NRXN3: variants seen among roughly 807,000 people sequenced by gnomAD.
NRXN3 encodes the protein neurexin 3.
In NRXN3, 32 loss-of-function variants were observed where a neutral mutation model predicts 137.6. The observed-to-expected ratio is 0.23, with a 90% CI of 0.18 to 0.31. The LOEUF is 0.31. Among genes scored for constraint, NRXN3 ranks in the 10% least tolerant of loss-of-function variants. The pLI is 1.00. For synonymous variants in NRXN3, 798 were observed against 784.5 expected (o/e 1.02, Z -0.29); for missense variants, 1,574 against 2,062.5 (o/e 0.76, Z 4.59).
At chr14:78,547,450 G>A (rs192723124) in intron 4 of NRXN3, among the ~76,000 whole-genome samples, 74 of 151,728 alleles carry the variant, frequency 4.9e-4, no homozygotes, top group African/African-American at 8.7e-4. Flanking sequence ...CACCCTCCTC[G>A]GCCTCCCAAT....
chr14:79,101,076 G>A (rs1263711402), intron 15 of NRXN3, among the ~76,000 whole-genome samples: 1 of 152,172 alleles, frequency 6.6e-6, no homozygotes, highest in Non-Finnish European at 1.5e-5. Context: ...TTGGCAGAAT[G>A]TAATGTATCT....
intron 10 of NRXN3, among the ~76,000 whole-genome samples, chr14:78,830,880 GAA>G (rs1240732490): frequency 6.6e-6 from 1 of 151,998 alleles, no homozygotes; most frequent in Non-Finnish European, 1.5e-5. Context: ...GACAACAATG[GAA>G]AAATGTTACT....
chr14:79,006,270 A>G (rs2099552584), intron 15 of NRXN3, among the ~76,000 whole-genome samples: 1 of 129,886 alleles, frequency 7.7e-6, no homozygotes, highest in Non-Finnish European at 1.5e-5. Flanking sequence ...TTGGGGAAGA[A>G]TGAGCAAAAT....
chr14:78,240,663 G>A (rs1006018285), intron 1 of NRXN3, among the ~76,000 whole-genome samples: 1 of 152,108 alleles, frequency 6.6e-6, no homozygotes, highest in African/African-American at 2.4e-5. Context: ...CTTCCTTATC[G>A]GAGTCTATGG....
intron 16 of NRXN3, among the ~76,000 whole-genome samples, chr14:79,620,737 G>GAT (rs1319083071): frequency 6.6e-6 from 1 of 152,100 alleles, no homozygotes; most frequent in Non-Finnish European, 1.5e-5. Context: ...GGCAAGCATA[G>GAT]ATACTTTGGA....
chr14:79,189,328 A>G (rs558803644), intron 15 of NRXN3, among the ~76,000 whole-genome samples: 34 of 145,848 alleles, frequency 2.3e-4, no homozygotes, highest in African/African-American at 8.2e-4. Flanking sequence ...ATAGGTGGTA[A>G]TTGAACAATG....
At chr14:79,241,517 A>T (rs574380276) in intron 15 of NRXN3, among the ~76,000 whole-genome samples, 1 of 152,244 alleles carries the variant, frequency 6.6e-6, no homozygotes, top group African/African-American at 2.4e-5. Context: ...AGATCTCATG[A>T]GATTTATTCA....
At chr14:79,491,677 AAGAG>A (rs376868296) in intron 16 of NRXN3, among the ~76,000 whole-genome samples, 56 of 149,282 alleles carry the variant, frequency 3.8e-4, no homozygotes, top group African/African-American at 1.3e-3. Flanking sequence ...GTGTGAGAGA[AAGAG>A]AGAGAGAGAG....
At chr14:79,689,066 CTAAT>C (rs2098706233) in intron 17 of NRXN3, among the ~76,000 whole-genome samples, 1 of 151,810 alleles carries the variant, frequency 6.6e-6, no homozygotes, top group Non-Finnish European at 1.5e-5. Flanking sequence ...ATTTTTTTCT[CTAAT>C]TAGTAATGCA....
chr14:79,754,266 A>G (rs60782121), intron 19 of NRXN3, among the ~76,000 whole-genome samples: 2,672 of 151,962 alleles, frequency 0.018, 74 homozygotes, highest in African/African-American at 0.061. Context: ...CACTTAAACC[A>G]GGGAGAGGCA....
intron 16 of NRXN3, among the ~76,000 whole-genome samples, chr14:79,621,255 C>T (rs374188550): frequency 2.0e-5 from 3 of 152,302 alleles, no homozygotes; most frequent in African/African-American, 7.2e-5. Context: ...TACTAATCAG[C>T]ACCCAACTAT....
chr14:78,587,649 C>G (rs1236023523), intron 4 of NRXN3, among the ~76,000 whole-genome samples: 1 of 152,202 alleles, frequency 6.6e-6, no homozygotes, highest in African/African-American at 2.4e-5. Flanking sequence ...ACATTCGCAA[C>G]TATTTTTAAT....
At position 79,603,834 on chromosome 14, in the gene NRXN3, T is replaced by C. The variant is rs115177349; in HGVS notation, c.3445-59944T>C. Among the ~76,000 whole-genome samples the C allele has an allele frequency of 4.0e-3, 615 of 152,294 alleles. 8 individuals are homozygous for C. Among genetic ancestry groups the C allele is most frequent in the African/African-American group, 0.014 (576 of 41,574 alleles). On this transcript the variant is annotated intron_variant, in intron 16 of 20. Transcript: ENST00000335750. ...CCATGAGATTCTTTTCATACAAGTA[T>C]GCTGCAGAGGAATGGAAGAGTGGGA...
intron 4 of NRXN3, among the ~76,000 whole-genome samples, chr14:78,596,574 C>G (rs184672043): frequency 2.0e-5 from 3 of 152,296 alleles, no homozygotes; most frequent in East Asian, 3.9e-4. Flanking sequence ...ATGAAATCAT[C>G]ATTCTGCCCC....
intron 4 of NRXN3, among the ~76,000 whole-genome samples, chr14:78,600,644 C>T (rs58722248): frequency 0.039 from 5,881 of 152,216 alleles, 135 homozygotes; most frequent in Middle Eastern, 0.071. Context: ...TCTTTCTGGA[C>T]AATCTCTACC....
At chr14:78,325,089 A>G (rs546708236) in intron 4 of NRXN3, among the ~76,000 whole-genome samples, 8 of 152,178 alleles carry the variant, frequency 5.3e-5, no homozygotes, top group Middle Eastern at 3.4e-3. Context: ...GGACAAATGG[A>G]GGGAATTTCC....
chr14:79,801,527 G>A (rs1481028850), intron 19 of NRXN3, among the ~76,000 whole-genome samples: 2 of 151,550 alleles, frequency 1.3e-5, no homozygotes, highest in Non-Finnish European at 2.9e-5. Flanking sequence ...TAATAGTGAA[G>A]TAACTAAGTG....
intron 16 of NRXN3, among the ~76,000 whole-genome samples, chr14:79,569,155 T>C (rs904697831): frequency 4.6e-5 from 7 of 151,020 alleles, no homozygotes; most frequent in Admixed American, 1.3e-4. Flanking sequence ...TCTAACTGCA[T>C]TTTTTTTTCT....
intron 10 of NRXN3, among the ~76,000 whole-genome samples, chr14:78,880,779 C>T (rs2099126994): frequency 6.6e-6 from 1 of 152,094 alleles, no homozygotes; most frequent in African/African-American, 2.4e-5. Flanking sequence ...GCATATGGTA[C>T]ATGTGCCTAC....
Sources: allele counts gnomAD v4.1 joint callset (sites outside exome capture counted in the v4.1 genomes callset), GRCh38; gene constraint gnomAD v4.1.1; transcripts MANE v1.5; gene names NCBI Gene and HGNC (gene_info 2026-07-23, HGNC 2026-07-21).